The following SRL variants were observed in gnomAD, a reference collection of about 807,000 sequenced individuals.
SRL encodes sarcalumenin.
A neutral mutation model predicts 39.5 loss-of-function variants in SRL; 23 were observed. The ratio of observed to expected loss-of-function variants is 0.58; its 90% CI spans 0.42 to 0.82. The LOEUF (loss-of-function observed/expected upper bound fraction) is 0.82. SRL is among the 40% of genes least tolerant of loss of function. SRL has a pLI of 0.00. For synonymous variants in SRL, 272 were observed against 237.4 expected (o/e 1.15, Z -1.34); for missense variants, 592 against 607.8 (o/e 0.97, Z 0.27).
At chr16:4,208,890 G>C (rs1027381690) in intron 1 of SRL, among the ~76,000 whole-genome samples, 2 of 152,158 alleles carry the variant, frequency 1.3e-5, no homozygotes, top group African/African-American at 4.8e-5. Context: ...TTAACCCAGA[G>C]AGCAGAGGGC....
chr16:4,241,312 C>T (rs920108913), intron 1 of SRL, among the ~76,000 whole-genome samples: 3 of 152,180 alleles, frequency 2.0e-5, no homozygotes, highest in Non-Finnish European at 4.4e-5. Flanking sequence ...CAAGCCACCA[C>T]CTCTGCTACC....
At chr16:4,229,786 G>A (rs764354168) in intron 1 of SRL, among the ~76,000 whole-genome samples, 9 of 152,118 alleles carry the variant, frequency 5.9e-5, no homozygotes, top group Non-Finnish European at 1.3e-4. Context: ...CTAAAATAAA[G>A]TTCACTCAGA....
chr16:4,200,147 C>G (rs1194792165), intron 3 of SRL, among the ~76,000 whole-genome samples: 1 of 152,194 alleles, frequency 6.6e-6, no homozygotes, highest in African/African-American at 2.4e-5. Flanking sequence ...GAAAGCAACA[C>G]CATGGCCCTG....
At chr16:4,220,550 A>G (rs1011273974) in intron 1 of SRL, among the ~76,000 whole-genome samples, 4 of 152,024 alleles carry the variant, frequency 2.6e-5, no homozygotes, top group African/African-American at 9.7e-5. Flanking sequence ...ATGGGGATGC[A>G]CTTTCCTGGG....
chr16:4,202,110 G>A (rs7198734), intron 3 of SRL, among the ~76,000 whole-genome samples: 34,843 of 152,112 alleles, frequency 0.23, 4,923 homozygotes, highest in African/African-American at 0.38. Context: ...AGAGCATGGC[G>A]TGGTCACGCA....
intron 1 of SRL, among the ~76,000 whole-genome samples, chr16:4,220,662 A>G (rs1027086899): frequency 6.6e-6 from 1 of 152,094 alleles, no homozygotes; most frequent in Non-Finnish European, 1.5e-5. Flanking sequence ...TCAACCCAAC[A>G]GCAGCTTTCT....
At chr16:4,214,791 G>C (rs1033132638) in intron 1 of SRL, among the ~76,000 whole-genome samples, 1 of 146,602 alleles carries the variant, frequency 6.8e-6, no homozygotes, top group African/African-American at 2.5e-5. Context: ...TTTTTTAGAC[G>C]AAGTCTCATT....
intron 2 of SRL, among the ~76,000 whole-genome samples, chr16:4,203,520 A>ATTATTTAT (rs1038908905): frequency 6.6e-6 from 1 of 151,980 alleles, no homozygotes; most frequent in Admixed American, 6.6e-5. Context: ...ATTTTATTTT[A>ATTATTTAT]TTATTTATTT....
intron 3 of SRL, among the ~76,000 whole-genome samples, chr16:4,201,043 A>G (rs561796284): frequency 6.6e-5 from 10 of 152,220 alleles, no homozygotes; most frequent in Admixed American, 3.3e-4. Flanking sequence ...ATCTACTGTT[A>G]TTGTGAGTAC....
chr16:4,214,816 G>T (rs1233034010), intron 1 of SRL, among the ~76,000 whole-genome samples: 1 of 151,560 alleles, frequency 6.6e-6, no homozygotes, highest in Admixed American at 6.6e-5. Flanking sequence ...CGCCCAGGGT[G>T]GAGTACAGTG....
intron 3 of SRL, among the ~76,000 whole-genome samples, 182 bp from the exon 4 acceptor site, chr16:4,198,097 A>G (rs1200806163): frequency 6.6e-6 from 1 of 152,248 alleles, no homozygotes; most frequent in Non-Finnish European, 1.5e-5. Context: ...CCCAGTAAAA[A>G]GACACAGAAG....
intron 2 of SRL, among the ~76,000 whole-genome samples, chr16:4,204,059 C>A (rs1157579116): frequency 6.6e-6 from 1 of 152,220 alleles, no homozygotes; most frequent in African/African-American, 2.4e-5. Context: ...ATCCGCCACC[C>A]TCTAGCCGTG....
intron 1 of SRL, among the ~76,000 whole-genome samples, chr16:4,236,235 C>G (rs1350791205): frequency 2.6e-5 from 4 of 152,162 alleles, no homozygotes; most frequent in Non-Finnish European, 4.4e-5. Context: ...TAAATACCCT[C>G]AAACCCTCCT....
chr16:4,233,827 A>G (rs1161019522), intron 1 of SRL, among the ~76,000 whole-genome samples: 1 of 152,040 alleles, frequency 6.6e-6, no homozygotes, highest in Non-Finnish European at 1.5e-5. Flanking sequence ...CCATACCCTC[A>G]TGCTTCTATT....
intron 3 of SRL, among the ~76,000 whole-genome samples, chr16:4,200,891 A>C (rs879150): frequency 0.86 from 131,112 of 152,190 alleles, 56,518 homozygotes; most frequent in Admixed American, 0.91. Context: ...CAGAGCATCA[A>C]ATGAGATCAT....
At chr16:4,196,704 G>T (rs2052150822) in intron 4 of SRL, among the ~76,000 whole-genome samples, 1 of 151,666 alleles carries the variant, frequency 6.6e-6, no homozygotes, top group South Asian at 2.1e-4. Flanking sequence ...TGGTCTTGAA[G>T]TCCTGACCTT....
intron 1 of SRL, among the ~76,000 whole-genome samples, chr16:4,235,827 C>T (rs951568678): frequency 4.6e-5 from 7 of 152,372 alleles, no homozygotes; most frequent in Admixed American, 6.5e-5. Context: ...CGGTGGCTCA[C>T]GCCTGTAATC....
Position 4,201,306 on chromosome 16 carries a change from T to C in SRL, c.259+1860A>G, listed in dbSNP as rs183390791. Among the ~76,000 whole-genome samples the C allele has an allele frequency of 2.0e-5, 3 of 152,150 alleles. No homozygotes were observed. The East Asian group carries it at 5.8e-4, about 29-fold the overall frequency. On this transcript the variant is annotated intron_variant, in intron 3 of 5. Coordinates refer to ENST00000399609, the MANE Select transcript of SRL (RefSeq NM_001098814.2). Reference sequence around the variant, plus strand: ...TTTTTTCTTTTTTTGAGATGGAGTCTCACTCTGTCACCCAGGCTGGAGTGC... The same window carrying C: ...TTTTTTCTTTTTTTGAGATGGAGTCCCACTCTGTCACCCAGGCTGGAGTGC...
chr16:4,222,635 C>T (rs1350438597), intron 1 of SRL, among the ~76,000 whole-genome samples: 1 of 132,420 alleles, frequency 7.6e-6, no homozygotes, highest in African/African-American at 3.4e-5. Flanking sequence ...GAGGCTGGTG[C>T]CTGTGACTTG....
Sources: gnomAD v4.1 joint callset for allele counts (sites outside exome capture counted in the v4.1 genomes callset) on GRCh38, gnomAD v4.1.1 for gene constraint, MANE v1.5 for transcripts, NCBI Gene and HGNC (gene_info 2026-07-23, HGNC 2026-07-21) for gene names.